The following EPHA6 variants were observed in gnomAD, a reference collection of about 807,000 sequenced individuals.
The protein encoded by EPHA6 is ephrin type-A receptor 6.
EPHA6 carries 50 observed loss-of-function variants against 112.0 expected under a neutral mutation model. The observed-to-expected ratio is 0.45, with a 90% confidence interval of 0.36 to 0.56. The LOEUF is 0.56. Among genes scored for constraint, EPHA6 ranks in the 20% least tolerant of loss-of-function variants. The pLI is 0.00. For synonymous variants in EPHA6, 529 were observed against 490.7 expected (o/e 1.08, Z -1.03); for missense variants, 1,280 against 1,417.4 (o/e 0.90, Z 1.56).
At chr3:97,291,325 C>T (rs1179280582) in intron 5 of EPHA6, among the ~76,000 whole-genome samples, 2 of 152,074 alleles carry the variant, frequency 1.3e-5, no homozygotes, top group East Asian at 3.9e-4. Flanking sequence ...ATTCCATGTG[C>T]TGATGAGATG....
chr3:97,172,337 T>C (rs2076725798), intron 3 of EPHA6, among the ~76,000 whole-genome samples: 1 of 152,064 alleles, frequency 6.6e-6, no homozygotes, highest in Admixed American at 6.6e-5. Flanking sequence ...TTTCTTAACA[T>C]ATTTGTTGAA....
chr3:97,214,084 G>T (rs757440481), intron 3 of EPHA6, among the ~76,000 whole-genome samples: 1 of 149,356 alleles, frequency 6.7e-6, no homozygotes, highest in African/African-American at 2.5e-5. Context: ...TGTTGCCCAG[G>T]CTGGAGTGCA....
At chr3:96,919,658 T>C (rs1386372620) in intron 2 of EPHA6, among the ~76,000 whole-genome samples, 1 of 151,934 alleles carries the variant, frequency 6.6e-6, no homozygotes, top group Non-Finnish European at 1.5e-5. Context: ...GTTTCATAGA[T>C]ATAGAAATCT....
intron 13 of EPHA6, among the ~76,000 whole-genome samples, chr3:97,633,935 T>C (rs114566972): frequency 3.4e-4 from 52 of 152,262 alleles, no homozygotes; most frequent in Non-Finnish European, 7.2e-4. Flanking sequence ...GATCCTCATT[T>C]ATTGATTTAT....
At chr3:97,143,204 AC>A (rs1487408109) in intron 3 of EPHA6, among the ~76,000 whole-genome samples, 4 of 151,732 alleles carry the variant, frequency 2.6e-5, no homozygotes, top group African/African-American at 9.7e-5. Context: ...AATATATTTA[AC>A]AAAGGAAGTC....
chr3:96,928,583 A>C (rs1004573822), intron 2 of EPHA6, among the ~76,000 whole-genome samples: 1 of 152,184 alleles, frequency 6.6e-6, no homozygotes, highest in Non-Finnish European at 1.5e-5. Context: ...GATGAGAAGA[A>C]TGTATATTCT....
chr3:97,510,320 G>T (rs1006919336), intron 10 of EPHA6, among the ~76,000 whole-genome samples: 7 of 152,142 alleles, frequency 4.6e-5, no homozygotes, highest in Non-Finnish European at 5.9e-5. Context: ...CCTCATCATG[G>T]ATTTATCTAC....
At chr3:97,567,720 A>T (rs1301233083) in intron 11 of EPHA6, among the ~76,000 whole-genome samples, 1 of 152,182 alleles carries the variant, frequency 6.6e-6, no homozygotes, top group Non-Finnish European at 1.5e-5. Flanking sequence ...AACACTAAGG[A>T]CTACCTCTTA....
In EPHA6 at chr3:97,751,217, G is replaced by A. The variant is rs1001590331; in HGVS notation, c.*2516G>A. Among the ~76,000 whole-genome samples, 4 of 152,050 alleles carry A rather than the reference G, an allele frequency of 2.6e-5. No homozygotes were observed. The highest frequency in any genetic ancestry group is 7.2e-5 in the African/African-American group (3 of 41,422). On this transcript the variant is annotated 3_prime_UTR_variant, in exon 18 of 18. Coordinates refer to ENST00000389672, the MANE Select transcript of EPHA6 (RefSeq NM_001080448.3). ...AGTTATTTAAATTTCTATGGGATGA[G>A]CATTCAGTGATTACAAGATTAAAGT... is the stretch of plus-strand genomic sequence containing the variant.
intron 16 of EPHA6, among the ~76,000 whole-genome samples, chr3:97,739,347 C>T (rs1247996738): frequency 1.3e-5 from 2 of 151,988 alleles, no homozygotes; most frequent in East Asian, 3.9e-4. Context: ...CTGCTAGGTC[C>T]CCATGGTTTT....
At chr3:97,635,635 G>C (rs1195301909) in intron 13 of EPHA6, among the ~76,000 whole-genome samples, 1 of 152,158 alleles carries the variant, frequency 6.6e-6, no homozygotes, top group South Asian at 2.1e-4. Flanking sequence ...GGTTGCCCGG[G>C]GTGGTGGGAG....
At chr3:97,153,350 A>T (rs2076212503) in intron 3 of EPHA6, among the ~76,000 whole-genome samples, 2 of 152,154 alleles carry the variant, frequency 1.3e-5, no homozygotes, top group East Asian at 1.9e-4. Context: ...AAACAAAAAA[A>T]ATCCATTCCT....
chr3:97,123,503 G>A (rs2048100537), intron 3 of EPHA6, among the ~76,000 whole-genome samples: 1 of 152,078 alleles, frequency 6.6e-6, no homozygotes, highest in Non-Finnish European at 1.5e-5. Context: ...GAAATTAGGA[G>A]CATAGAAACT....
chr3:97,517,832 G>A (rs529039343), intron 10 of EPHA6, among the ~76,000 whole-genome samples: 6 of 151,982 alleles, frequency 3.9e-5, no homozygotes, highest in South Asian at 4.1e-4. Context: ...ATTCCACATC[G>A]GAGATCATGT....
chr3:96,827,561 C>T (rs1164153909), intron 1 of EPHA6, among the ~76,000 whole-genome samples: 1 of 151,978 alleles, frequency 6.6e-6, no homozygotes, highest in Non-Finnish European at 1.5e-5. Context: ...TGCTAGAAAG[C>T]AATTAAACAG....
intron 7 of EPHA6, among the ~76,000 whole-genome samples, chr3:97,452,476 G>A (rs1156384161): frequency 6.6e-6 from 1 of 151,568 alleles, no homozygotes. Context: ...TTTCTCGCTG[G>A]GCTAAGTGTA....
intron 14 of EPHA6, among the ~76,000 whole-genome samples, chr3:97,685,684 C>T (rs1260268322): frequency 1.3e-5 from 2 of 152,152 alleles, no homozygotes; most frequent in African/African-American, 2.4e-5. Flanking sequence ...CAACACAAGT[C>T]ACATGGCCAT....
chr3:97,627,963 A>G (rs537123894), intron 13 of EPHA6, among the ~76,000 whole-genome samples: 1 of 152,090 alleles, frequency 6.6e-6, no homozygotes, highest in African/African-American at 2.4e-5. Context: ...AACTACTGAA[A>G]TGAGGCCTAG....
At chr3:97,576,040 G>A (rs1405827704) in intron 11 of EPHA6, among the ~76,000 whole-genome samples, 2 of 152,190 alleles carry the variant, frequency 1.3e-5, no homozygotes, top group Non-Finnish European at 2.9e-5. Flanking sequence ...GTCTTTTCAT[G>A]AAGATAAGGA....
Sources: allele counts gnomAD v4.1 joint callset (sites outside exome capture counted in the v4.1 genomes callset), GRCh38; gene constraint gnomAD v4.1.1; transcripts MANE v1.5; gene names NCBI Gene and HGNC (gene_info 2026-07-23, HGNC 2026-07-21).